The following EIF2S1 variants were observed in gnomAD, a reference collection of about 807,000 sequenced individuals.
The protein encoded by EIF2S1 is eukaryotic translation initiation factor 2 subunit alpha.
In EIF2S1, 5 loss-of-function variants were observed where a neutral mutation model predicts 33.5. That is an observed-to-expected ratio of 0.15 (90% CI 0.08 to 0.31). The LOEUF (loss-of-function observed/expected upper bound fraction) is 0.31, where lower values mean the gene tolerates loss of function less well. Ranked by LOEUF, EIF2S1 falls within the 10% of genes least tolerant of loss-of-function variation. EIF2S1 has a pLI of 1.00. For missense variants in EIF2S1, 191 were observed against 384.6 expected, an observed-to-expected ratio of 0.50 and a Z score of 4.21; for synonymous variants, 99 against 127.5, an observed-to-expected ratio of 0.78 and a Z score of 1.51.
intron 6 of EIF2S1, 64 bp downstream of exon 6, chr14:67,381,754 C>A: frequency 9.9e-5 from 103 of 1,043,616 alleles, no homozygotes; most frequent in Non-Finnish European, 1.3e-4. Flanking sequence ...GATCTTTGAT[C>A]TTTGTTTCTT....
At position 67,364,369 on chromosome 14, in the gene EIF2S1, G is replaced by A. The variant is rs1017024798; in HGVS notation, c.-1-398G>A. ...AGCGTATACAATGTTTGCTCACTTC[G>A]GCAAAGAGTAGCTTTAGTTTTCTGA... On this transcript the variant is annotated intron_variant, in intron 1 of 7. Coordinates refer to ENST00000256383, the MANE Select transcript of EIF2S1 (RefSeq NM_004094.5). The A allele has an allele frequency of 9.4e-5, 15 of 159,948 alleles. 1 individual carries two copies. The East Asian group carries it at 1.7e-3, about 18-fold the overall frequency. 9.9% of individuals were successfully genotyped at this position (159,948 alleles called of 1,614,324 possible).
At chr14:67,362,855 A>G (rs8006042) in intron 1 of EIF2S1, among the ~76,000 whole-genome samples, 28,882 of 152,106 alleles carry the variant, frequency 0.19, 4,407 homozygotes, top group East Asian at 0.48. Context: ...CTTAACTACT[A>G]TCTATCTTTA....
intron 7 of EIF2S1, chr14:67,382,825 G>T: frequency 3.8e-6 from 2 of 531,854 alleles, no homozygotes; most frequent in South Asian, 2.3e-5. Flanking sequence ...TCTAAAATTT[G>T]ATCTCAGAAT....
intron 6 of EIF2S1, 72 bp downstream of exon 6, chr14:67,381,762 CTTTT>C: frequency 1.2e-6 from 1 of 825,776 alleles, no homozygotes; most frequent in Non-Finnish European, 1.8e-6. Flanking sequence ...ATCTTTGTTT[CTTTT>C]TTTTTTTTTA....
chr14:67,366,969 G>C (rs7157676), intron 2 of EIF2S1, among the ~76,000 whole-genome samples: 12,138 of 151,988 alleles, frequency 0.08, 1,152 homozygotes, highest in African/African-American at 0.23. Flanking sequence ...GGCGAGAGTT[G>C]TAGACAACCA....
intron 4 of EIF2S1, among the ~76,000 whole-genome samples, chr14:67,378,124 TAAA>T: frequency 7.4e-6 from 1 of 134,274 alleles, no homozygotes; most frequent in African/African-American, 2.7e-5. Context: ...CCTTGTCTCT[TAAA>T]AAAAAAAAAA....
intron 7 of EIF2S1, 54 bp downstream of exon 7, chr14:67,382,644 T>G: frequency 6.3e-7 from 1 of 1,594,508 alleles, no homozygotes; most frequent in Non-Finnish European, 8.6e-7. Context: ...CTAAAAGGAG[T>G]TCTTGTAGGT....
chr14:67,376,398 CTCTTA>C, intron 3 of EIF2S1, 36 bp from the exon 4 acceptor site: 1 of 1,526,406 alleles, frequency 6.6e-7, no homozygotes, highest in Non-Finnish European at 8.8e-7. Flanking sequence ...TTTTATAAAT[CTCTTA>C]TCTTTGAATT....
chr14:67,381,762 C>CT (rs34614329), intron 6 of EIF2S1, 72 bp downstream of exon 6: 30,677 of 807,114 alleles, frequency 0.038, no homozygotes, highest in East Asian at 0.044. Context: ...ATCTTTGTTT[C>CT]TTTTTTTTTT....
chr14:67,367,586 G>A (rs986506131), intron 2 of EIF2S1, among the ~76,000 whole-genome samples: 3 of 152,224 alleles, frequency 2.0e-5, no homozygotes, highest in African/African-American at 7.2e-5. Context: ...TCATAAATAC[G>A]GTGCATGGAA....
intron 5 of EIF2S1, 22 bp downstream of exon 5, chr14:67,380,787 T>C: frequency 7.3e-7 from 1 of 1,365,980 alleles, no homozygotes; most frequent in Non-Finnish European, 9.9e-7. Context: ...TTTAAATGAT[T>C]TTTACAGTAT....
intron 2 of EIF2S1, 89 bp downstream of exon 2, chr14:67,365,097 T>TAAAAAA: frequency 8.1e-7 from 1 of 1,227,226 alleles, no homozygotes; most frequent in Non-Finnish European, 1.1e-6. Flanking sequence ...AGCTGCAGCT[T>TAAAAAA]AAAAAAAAAA....
rs780069831 is a variant in EIF2S1, at chr14:67,385,658, C to CTTTTTT, written c.*2232_*2237dup. 5 of 107,646 alleles carry CTTTTTT rather than the reference C, an allele frequency of 4.6e-5. No homozygotes were observed. The highest frequency in any genetic ancestry group is 7.7e-5 in the African/African-American group (2 of 25,984). 6.7% of individuals were successfully genotyped at this position (107,646 alleles called of 1,614,324 possible). ...ATATGAATATTCAAACCACTTTTTTCTTTTTTTTTTTTTTTTTTTGGCAAA... is the reference window on the plus strand; with the variant it reads ...ATATGAATATTCAAACCACTTTTTTCTTTTTTTTTTTTTTTTTTTTTTTTTGGCAAA... On this transcript the variant is annotated 3_prime_UTR_variant, in exon 8 of 8. Coordinates refer to ENST00000256383, the MANE Select transcript of EIF2S1 (RefSeq NM_004094.5).
rs541441308 is a variant in EIF2S1 at position 67,386,509 on chromosome 14, T to C, written c.*3069T>C. The C allele has an allele frequency of 6.6e-6, 1 of 152,340 alleles. No individual in the cohort carries two copies. The highest frequency in any genetic ancestry group is 2.4e-5 in the African/African-American group (1 of 41,578). 9.4% of individuals were successfully genotyped at this position (152,340 alleles called of 1,614,324 possible). A position where few individuals can be genotyped will look rare whatever the true frequency, so the allele number is the denominator to read the frequency against. On this transcript the variant is annotated 3_prime_UTR_variant, in exon 8 of 8. Transcript: ENST00000256383. ...ACTTGAAAGTAATAAAAATGTTCTT[T>C]AAAAGTATTGTATGATACAGACTTT...
At chr14:67,366,498 G>A (rs1182666063) in intron 2 of EIF2S1, among the ~76,000 whole-genome samples, 4 of 152,192 alleles carry the variant, frequency 2.6e-5, no homozygotes, top group Non-Finnish European at 4.4e-5. Flanking sequence ...TATTTCCATA[G>A]CATTTGTTTG....
rs1338681808 is a variant in EIF2S1 at position 67,386,394 on chromosome 14, T to C, written c.*2954T>C. On this transcript the variant is annotated 3_prime_UTR_variant, in exon 8 of 8. Transcript: ENST00000256383. Reference sequence around the variant, plus strand: ...GGTATCCACTCCCCTTAAATGTAAGTTATGTATTTTATCTGTTGATTAAGG... The same window carrying C: ...GGTATCCACTCCCCTTAAATGTAAGCTATGTATTTTATCTGTTGATTAAGG... 6.6e-6 allele frequency: 1 copy of C among 152,230 alleles called. No homozygotes were observed. The highest frequency in any genetic ancestry group is 1.5e-5 in the Non-Finnish European group (1 of 68,036). The allele number at this position is 152,230 out of a possible 1,614,324, so 9.4% of individuals were successfully genotyped here.
chr14:67,375,878 T>C (rs1405809719), intron 3 of EIF2S1, among the ~76,000 whole-genome samples: 1 of 152,122 alleles, frequency 6.6e-6, no homozygotes, highest in African/African-American at 2.4e-5. Context: ...TTAAAATGAG[T>C]GTGTTAATAG....
At position 67,385,141 on chromosome 14, in the gene EIF2S1, C is replaced by G. The variant is rs143036337; in HGVS notation, c.*1701C>G. 17 of 152,254 alleles carry G rather than the reference C, an allele frequency of 1.1e-4. No individual in the cohort carries two copies. The East Asian group carries it at 2.3e-3, about 21-fold the overall frequency. 9.4% of individuals were successfully genotyped at this position (152,254 alleles called of 1,614,324 possible). ...AGCCAGAGAATAGATCAGTATTTCA[C>G]TGATACCACGAGGAAAAGAACAAAC... On this transcript the variant is annotated 3_prime_UTR_variant, in exon 8 of 8. Coordinates refer to ENST00000256383, the MANE Select transcript of EIF2S1 (RefSeq NM_004094.5).
intron 2 of EIF2S1, among the ~76,000 whole-genome samples, chr14:67,372,824 C>G (rs2085831509): frequency 7.1e-6 from 1 of 140,690 alleles, no homozygotes; most frequent in South Asian, 2.4e-4. Context: ...AAGACTCCAT[C>G]TCAAAAAAAA....
Sources: allele counts gnomAD v4.1 joint callset (sites outside exome capture counted in the v4.1 genomes callset), GRCh38; gene constraint gnomAD v4.1.1; transcripts MANE v1.5; gene names NCBI Gene and HGNC (gene_info 2026-07-23, HGNC 2026-07-21).